Variants in SDCCAG8 observed in about 807,000 individuals in gnomAD.
SDCCAG8 encodes the protein SHH signaling and ciliogenesis regulator SDCCAG8.
A neutral mutation model predicts 101.8 loss-of-function variants in SDCCAG8; 74 were observed. The ratio of observed to expected loss-of-function variants is 0.73; its 90% CI spans 0.60 to 0.88. SDCCAG8 has a LOEUF of 0.88. Among genes scored for constraint, SDCCAG8 ranks in the 40% least tolerant of loss-of-function variants. The probability of loss-of-function intolerance (pLI) is 0.00; values close to 1 mark genes in which losing one functional copy is unlikely to be tolerated. For synonymous variants in SDCCAG8, 281 were observed against 292.9 expected (o/e 0.96, Z 0.41); for missense variants, 787 against 822.6 (o/e 0.96, Z 0.53).
At chr1:243,297,537 A>G (rs761998588) in intron 6 of SDCCAG8, among the ~76,000 whole-genome samples, 2 of 151,850 alleles carry the variant, frequency 1.3e-5, no homozygotes, top group Non-Finnish European at 2.9e-5. Flanking sequence ...TCCTACCCAT[A>G]CAAGGGGTTT....
chr1:243,327,965 C>T (rs544685956), intron 9 of SDCCAG8, among the ~76,000 whole-genome samples: 2 of 152,210 alleles, frequency 1.3e-5, no homozygotes, highest in South Asian at 2.1e-4. Flanking sequence ...TGCAGTGGTG[C>T]GATCTCAGCT....
chr1:243,397,894 G>A (rs1265577844), intron 13 of SDCCAG8, among the ~76,000 whole-genome samples: 1 of 152,198 alleles, frequency 6.6e-6, no homozygotes, highest in Non-Finnish European at 1.5e-5. Flanking sequence ...TTTCTCCACT[G>A]CAAACCAGAG....
chr1:243,361,914 T>C (rs2076733194), intron 12 of SDCCAG8, among the ~76,000 whole-genome samples: 1 of 152,270 alleles, frequency 6.6e-6, no homozygotes. Flanking sequence ...GGACAGAGAC[T>C]TTTACTTGTC....
At chr1:243,343,054 T>G (rs1175465319) in intron 11 of SDCCAG8, among the ~76,000 whole-genome samples, 1 of 152,234 alleles carries the variant, frequency 6.6e-6, no homozygotes, top group Admixed American at 6.5e-5. Flanking sequence ...CCTGAGCTCC[T>G]GGGCTGAAGC....
At chr1:243,422,184 T>C (rs1001907872) in intron 15 of SDCCAG8, among the ~76,000 whole-genome samples, 1 of 152,244 alleles carries the variant, frequency 6.6e-6, no homozygotes, top group African/African-American at 2.4e-5. Flanking sequence ...GTGAGGCTTG[T>C]GGACTGATGT....
chr1:243,266,747 T>C (rs1572847671), intron 1 of SDCCAG8, among the ~76,000 whole-genome samples: 1 of 101,620 alleles, frequency 9.8e-6, no homozygotes, highest in Non-Finnish European at 2.1e-5. Flanking sequence ...GTACTAAAAA[T>C]ACAAAAGTAT....
At chr1:243,307,936 A>T in intron 7 of SDCCAG8, 53 bp from the exon 8 acceptor site, 1 of 1,607,046 alleles carries the variant, frequency 6.2e-7, no homozygotes. Context: ...TTCATTTTAA[A>T]GTCATGTAAT....
intron 9 of SDCCAG8, among the ~76,000 whole-genome samples, chr1:243,325,011 C>T (rs1044138650): frequency 2.0e-5 from 3 of 152,188 alleles, no homozygotes; most frequent in Admixed American, 2.0e-4. Context: ...TTCCCCAGCC[C>T]CTTCTTGTTT....
At chr1:243,484,777 G>A (rs1483735246) in intron 16 of SDCCAG8, among the ~76,000 whole-genome samples, 6 of 152,196 alleles carry the variant, frequency 3.9e-5, no homozygotes, top group Non-Finnish European at 8.8e-5. Context: ...CGGGCGCGGT[G>A]GCTCACGCCT....
intron 4 of SDCCAG8, among the ~76,000 whole-genome samples, chr1:243,282,204 C>T (rs536222840): frequency 6.8e-6 from 1 of 147,022 alleles, no homozygotes; most frequent in East Asian, 2.0e-4. Flanking sequence ...AATTGTACTT[C>T]TTTTTTTTTT....
intron 9 of SDCCAG8, among the ~76,000 whole-genome samples, chr1:243,320,702 G>T (rs574763305): frequency 1.3e-5 from 2 of 152,306 alleles, no homozygotes; most frequent in South Asian, 2.1e-4. Flanking sequence ...TGACTCCTAG[G>T]ATTGTGAATG....
At chr1:243,389,831 C>G (rs2078590492) in intron 13 of SDCCAG8, among the ~76,000 whole-genome samples, 2 of 152,084 alleles carry the variant, frequency 1.3e-5, no homozygotes, top group South Asian at 4.1e-4. Context: ...GGATGAAGGG[C>G]AAAAGCTTGT....
intron 17 of SDCCAG8, among the ~76,000 whole-genome samples, chr1:243,498,727 T>C (rs1354026163): frequency 6.6e-6 from 1 of 152,258 alleles, no homozygotes; most frequent in Non-Finnish European, 1.5e-5. Context: ...AATCCCCATG[T>C]TAATGATGGC....
intron 16 of SDCCAG8, among the ~76,000 whole-genome samples, chr1:243,478,956 C>CAAAAAAAAAAAAAAAAA (rs148382740): frequency 7.3e-4 from 69 of 94,684 alleles, no homozygotes; most frequent in African/African-American, 3.0e-3. Context: ...GACTCTGTCT[C>CAAAAAAAAAAAAAAAAA]AAAAAAAAAA....
At chr1:243,349,005 CA>C (rs2075922630) in intron 12 of SDCCAG8, among the ~76,000 whole-genome samples, 3 of 138,980 alleles carry the variant, frequency 2.2e-5, no homozygotes, top group African/African-American at 8.0e-5. Context: ...ACAAAACAAA[CA>C]AAACAAAAAA....
intron 13 of SDCCAG8, among the ~76,000 whole-genome samples, chr1:243,391,144 T>A (rs1478363206): frequency 6.6e-6 from 1 of 152,214 alleles, no homozygotes; most frequent in Non-Finnish European, 1.5e-5. Flanking sequence ...GTGAATGTGT[T>A]CTTTACATCA....
At chr1:243,484,692 A>G (rs1664420188) in intron 16 of SDCCAG8, among the ~76,000 whole-genome samples, 1 of 152,180 alleles carries the variant, frequency 6.6e-6, no homozygotes, top group South Asian at 2.1e-4. Flanking sequence ...GAACCGCCCG[A>G]GAGCCGGGAG....
chr1:243,496,011 G>GA (rs1280293762), intron 17 of SDCCAG8, among the ~76,000 whole-genome samples: 1 of 152,144 alleles, frequency 6.6e-6, no homozygotes, highest in Non-Finnish European at 1.5e-5. Flanking sequence ...CAGAGAAAAA[G>GA]AAAGAACCAG....
intron 4 of SDCCAG8, among the ~76,000 whole-genome samples, chr1:243,276,036 G>T (rs1006679528): frequency 1.2e-4 from 18 of 151,770 alleles, no homozygotes; most frequent in Admixed American, 6.6e-5. Flanking sequence ...GCTAATTTTT[G>T]TATTTTTTGT....
Sources: allele counts gnomAD v4.1 joint callset (sites outside exome capture counted in the v4.1 genomes callset), GRCh38; gene constraint gnomAD v4.1.1; transcripts MANE v1.5; gene names NCBI Gene and HGNC (gene_info 2026-07-23, HGNC 2026-07-21).